CRLF3: variants seen among roughly 807,000 people sequenced by gnomAD.
CRLF3 encodes cytokine receptor like factor 3, also known as cytokine receptor-like factor 3.
CRLF3 carries 33 observed loss-of-function variants against 55.0 expected under a neutral mutation model. The ratio of observed to expected loss-of-function variants is 0.60; its 90% CI spans 0.46 to 0.80. The LOEUF is 0.80. Among genes scored for constraint, CRLF3 ranks in the 30% least tolerant of loss-of-function variants. The pLI, the probability that CRLF3 is intolerant of heterozygous loss-of-function variation, is 0.00. For missense variants in CRLF3, 494 were observed against 538.4 expected, an observed-to-expected ratio of 0.92 and a Z score of 0.82; for synonymous variants, 238 against 196.8, an observed-to-expected ratio of 1.21 and a Z score of -1.75.
chr17:30,824,504 G>C lies in CRLF3; in HGVS notation c.129+19C>G. 4 of 1,578,110 alleles carry C rather than the reference G, an allele frequency of 2.5e-6. No individual in the cohort carries two copies. The highest frequency in any genetic ancestry group is 3.4e-6 in the Non-Finnish European group (4 of 1,167,954). On this transcript the variant is annotated intron_variant, in intron 1 of 7. Coordinates refer to ENST00000324238, the MANE Select transcript of CRLF3 (RefSeq NM_015986.4). The stretch of plus-strand genomic sequence containing the variant: ...CCACCCCCGGGCCCACAGCGCCCCT[G>C]TGGGTGTGGCCCTCCGACCTGCCTC...
At chr17:30,799,044 T>A (rs1971964599) in intron 2 of CRLF3, among the ~76,000 whole-genome samples, 1 of 151,842 alleles carries the variant, frequency 6.6e-6, no homozygotes, top group South Asian at 2.1e-4. Flanking sequence ...GAGGCCGAGG[T>A]GGGCAAATCA....
rs552878791 is a variant in CRLF3 at position 30,787,079 on chromosome 17, A to C, written c.960-1048T>G. Reference sequence around the variant, plus strand: ...TGGAACTCCTGACCTCAGGTGATCCACCCTCCTTGGCCTCCCAAAGTGCTG... The same window carrying C: ...TGGAACTCCTGACCTCAGGTGATCCCCCCTCCTTGGCCTCCCAAAGTGCTG... On this transcript the variant is annotated intron_variant, in intron 6 of 7. Coordinates refer to ENST00000324238, the MANE Select transcript of CRLF3 (RefSeq NM_015986.4). Among the ~76,000 whole-genome samples, 174 of 151,956 alleles carry C rather than the reference A, an allele frequency of 1.1e-3. 7 individuals carry two copies. In the South Asian group the frequency reaches 0.032, roughly 28 times the overall value.
At chr17:30,788,099 T>C (rs1046370303) in intron 6 of CRLF3, among the ~76,000 whole-genome samples, 156 of 151,668 alleles carry the variant, frequency 1.0e-3, no homozygotes, top group African/African-American at 3.5e-3. Flanking sequence ...GAGGCCGAGG[T>C]GGGCGGATCA....
intron 1 of CRLF3, among the ~76,000 whole-genome samples, chr17:30,815,769 C>T (rs1290297398): frequency 1.3e-5 from 2 of 150,500 alleles, no homozygotes; most frequent in Non-Finnish European, 3.0e-5. Flanking sequence ...GTCTCGAACT[C>T]CTGACCTCAG....
Position 30,783,147 on chromosome 17 carries a change from A to T in CRLF3, c.*1040T>A, listed in dbSNP as rs577346638. ...AGAGTAAAATGCATGTCACAGGCAG[A>T]TTGGATACACACGTGCATATTACAT... On this transcript the variant is annotated 3_prime_UTR_variant, in exon 8 of 8. Coordinates refer to ENST00000324238, the MANE Select transcript of CRLF3 (RefSeq NM_015986.4). 1 of 152,342 alleles carries T rather than the reference A, an allele frequency of 6.6e-6. No individual in the cohort carries two copies. Among genetic ancestry groups the T allele is most frequent in the South Asian group, 2.1e-4 (1 of 4,830 alleles). The allele number at this position is 152,342 out of a possible 1,614,324, so 9.4% of individuals were successfully genotyped here.
intron 3 of CRLF3, 55 bp from the exon 4 acceptor site, chr17:30,796,392 C>T (rs1442461549): frequency 7.0e-7 from 1 of 1,423,814 alleles, no homozygotes. Flanking sequence ...TTAAAAAATA[C>T]AAGAAATATT....
At chr17:30,797,595 T>A (rs908889264) in intron 2 of CRLF3, among the ~76,000 whole-genome samples, 197 bp from the exon 3 acceptor site, 2 of 152,164 alleles carry the variant, frequency 1.3e-5, no homozygotes, top group African/African-American at 4.8e-5. Context: ...AAAAGGGATA[T>A]ACAGTGGCAA....
At chr17:30,784,731 C>G (rs1262594450) in intron 7 of CRLF3, 5 of 273,958 alleles carry the variant, frequency 1.8e-5, no homozygotes, top group Non-Finnish European at 1.4e-5. Flanking sequence ...GAATCTTGTT[C>G]TACCGAATTC....
intron 1 of CRLF3, chr17:30,809,618 T>C (rs964782369): frequency 9.9e-5 from 15 of 152,206 alleles, no homozygotes; most frequent in African/African-American, 2.7e-4. Context: ...CCAAAGACTA[T>C]GCTCTTTCAT....
At chr17:30,811,794 ACT>A (rs1469218912) in intron 1 of CRLF3, among the ~76,000 whole-genome samples, 4 of 109,582 alleles carry the variant, frequency 3.7e-5, no homozygotes, top group Non-Finnish European at 5.2e-5. Context: ...ACAGCACGAG[ACT>A]CTGTCTCAAA....
In CRLF3 at chr17:30,797,940, A is replaced by AT. The variant is rs561112215; in HGVS notation, c.338-543dup. Among the ~76,000 whole-genome samples the AT allele has an allele frequency of 9.5e-3, 1,188 of 125,182 alleles. 7 individuals carry two copies. Among genetic ancestry groups the AT allele is most frequent in the Non-Finnish European group, 0.014 (816 of 59,148 alleles). 82.1% of individuals were successfully genotyped at this position (125,182 alleles called of 152,430 possible). ...CACGTGCACGCCACCATGCCCAGCT[A>AT]TTTTTTTTTTTTTTTTTTTGGTAGA... On this transcript the variant is annotated intron_variant, in intron 2 of 7. Coordinates refer to ENST00000324238, the MANE Select transcript of CRLF3 (RefSeq NM_015986.4).
At chr17:30,785,861 A>C (rs1478294020) in intron 7 of CRLF3, 58 bp downstream of exon 7, 3 of 910,808 alleles carry the variant, frequency 3.3e-6, no homozygotes, top group Non-Finnish European at 5.3e-6. Flanking sequence ...GAACAGATTC[A>C]CATATTACTA....
intron 1 of CRLF3, among the ~76,000 whole-genome samples, chr17:30,822,465 C>G (rs1905026366): frequency 6.6e-6 from 1 of 152,160 alleles, no homozygotes; most frequent in Non-Finnish European, 1.5e-5. Flanking sequence ...CATTATTACT[C>G]AGTCTAGTCA....
chr17:30,786,672 A>C (rs1971655206), intron 6 of CRLF3: 1 of 150,076 alleles, frequency 6.7e-6, no homozygotes, highest in African/African-American at 2.5e-5. Flanking sequence ...ACTCAAACAC[A>C]GGCATTCTGA....
rs1414114821 is a variant in CRLF3, at chr17:30,782,728, G to T, written c.*1459C>A. 2 of 152,060 alleles carry T rather than the reference G, an allele frequency of 1.3e-5. No homozygotes were observed. Among genetic ancestry groups the T allele is most frequent in the Non-Finnish European group, 2.9e-5 (2 of 68,014 alleles). The allele number at this position is 152,060 out of a possible 1,614,324, so 9.4% of individuals were successfully genotyped here. A position where few individuals can be genotyped will look rare whatever the true frequency, so the allele number is the denominator to read the frequency against. On this transcript the variant is annotated 3_prime_UTR_variant, in exon 8 of 8. Coordinates refer to ENST00000324238, the MANE Select transcript of CRLF3 (RefSeq NM_015986.4). The stretch of plus-strand genomic sequence containing the variant: ...ATTTTGATTCCTATGGCTGGACAAG[G>T]TATCTACATTCTAGAACATCTTCTT...
intron 4 of CRLF3, among the ~76,000 whole-genome samples, chr17:30,794,610 C>G (rs947947223): frequency 6.6e-6 from 1 of 151,974 alleles, no homozygotes; most frequent in African/African-American, 2.4e-5. Context: ...CCAGCCTAGG[C>G]AACACAGCAA....
intron 2 of CRLF3, chr17:30,801,457 GTC>G (rs1321418700): frequency 4.6e-5 from 7 of 152,134 alleles, no homozygotes; most frequent in African/African-American, 1.7e-4. Context: ...TTGAGACGGA[GTC>G]TCACTCTGTT....
chr17:30,790,692 C>T (rs1447805550), intron 6 of CRLF3: 1 of 141,044 alleles, frequency 7.1e-6, no homozygotes, highest in African/African-American at 2.6e-5. Context: ...TCTCTGCTCA[C>T]TGCAACCTCC....
chr17:30,788,640 C>T (rs929917615), intron 6 of CRLF3, among the ~76,000 whole-genome samples: 8 of 127,142 alleles, frequency 6.3e-5, no homozygotes, highest in African/African-American at 9.1e-5. Context: ...CAGCATCTCA[C>T]TCTGTTGCCC....
Sources: gnomAD v4.1 joint callset for allele counts (sites outside exome capture counted in the v4.1 genomes callset) on GRCh38, gnomAD v4.1.1 for gene constraint, MANE v1.5 for transcripts, NCBI Gene and HGNC (gene_info 2026-07-23, HGNC 2026-07-21) for gene names.